Variants in OGG1 observed in about 807,000 individuals in gnomAD.
OGG1 encodes the protein N-glycosylase/DNA lyase.
In OGG1, 35 loss-of-function variants were observed where a neutral mutation model predicts 42.3. That is an observed-to-expected ratio of 0.83 (90% confidence interval 0.63 to 1.10). The LOEUF (loss-of-function observed/expected upper bound fraction) is 1.10, where lower values mean the gene tolerates loss of function less well. Ranked by LOEUF, OGG1 falls within the 50% of genes least tolerant of loss-of-function variation. The pLI is 0.00. For missense variants in OGG1, 484 were observed against 446.7 expected, an observed-to-expected ratio of 1.08 and a Z score of -0.75; for synonymous variants, 189 against 179.0, an observed-to-expected ratio of 1.06 and a Z score of -0.44.
At chr3:9,765,201 G>A (rs1005506451) in intron 7 of OGG1, among the ~76,000 whole-genome samples, 11 of 151,260 alleles carry the variant, frequency 7.3e-5, no homozygotes, top group Admixed American at 5.3e-4. Flanking sequence ...CACTCCAGCC[G>A]GGGCAACAGA....
At chr3:9,789,685 C>T, downstream of OGG1, 1 of 1,609,058 alleles carries the variant, frequency 6.2e-7, no homozygotes, top group Non-Finnish European at 8.5e-7. Flanking sequence ...AACCTTGAGG[C>T]CCCCTTCTAT....
At chr3:9,762,588 G>A (rs1044101560) in intron 7 of OGG1, among the ~76,000 whole-genome samples, 13 of 152,008 alleles carry the variant, frequency 8.6e-5, no homozygotes, top group Admixed American at 4.6e-4. Flanking sequence ...AGCTGGTCTC[G>A]AACTGACCTC....
Position 9,763,110 on chromosome 3 carries a change from G to T in OGG1, c.1049-2699G>T, listed in dbSNP as rs746451289. The stretch of plus-strand genomic sequence containing the variant: ...GGGTTGGGACAGCTGGGAGAGGTGT[G>T]GGGGCAGGGCAGAGGTTGGGCCACT... On this transcript the variant is annotated intron_variant, in intron 7 of 7. Coordinates refer to the OGG1 transcript ENST00000302008. The T allele has an allele frequency of 4.1e-5, 66 of 1,614,136 alleles. No homozygotes were observed. In the African/African-American group the frequency reaches 4.3e-4, roughly 10 times the overall value.
intron 3 of OGG1, chr3:9,784,061 G>A (rs1467768679): frequency 6.2e-7 from 1 of 1,614,102 alleles, no homozygotes; most frequent in Non-Finnish European, 8.5e-7. Context: ...GCGGTTGTGG[G>A]CACTAAGTGC....
chr3:9,757,833 G>T (rs1473298800), downstream of OGG1: 4 of 1,606,210 alleles, frequency 2.5e-6, no homozygotes, highest in African/African-American at 5.3e-5. The surrounding 1 kb of genome is among the most constrained non-coding windows in gnomAD (Gnocchi z 4.5). Context: ...CACAGCCGTG[G>T]CATTGAAGGC....
At chr3:9,755,131 A>T (rs1296372879) in intron 4 of OGG1, among the ~76,000 whole-genome samples, 1 of 152,240 alleles carries the variant, frequency 6.6e-6, no homozygotes, top group Non-Finnish European at 1.5e-5. Context: ...GCTGCTATAT[A>T]TATGCAGCAA....
At chr3:9,785,275 G>A (rs1559717800) in intron 3 of OGG1, 1 of 1,508,934 alleles carries the variant, frequency 6.6e-7, no homozygotes, top group Non-Finnish European at 9.2e-7. Flanking sequence ...GCCAACAGAA[G>A]CGGGGGCCAG....
chr3:9,781,833 CTTTTTTT>C lies in OGG1; in HGVS notation c.382+252_382+258del, dbSNP rs35246642. On this transcript the variant is annotated intron_variant, in intron 3 of 3. Coordinates refer to the OGG1 transcript ENST00000426518. ...GCCATTTCTTCATTGCCCATTACTT[CTTTTTTT>C]TTTTTTTTTTTTTTTTTTGAGACAG... 1.4e-3 allele frequency among the ~76,000 whole-genome samples: 124 copies of C among 86,890 alleles called. 1 individual carries two copies. The highest frequency in any genetic ancestry group is 1.1e-3 in the East Asian group (3 of 2,620). 57.0% of individuals were successfully genotyped at this position (86,890 alleles called of 152,430 possible).
rs73113563 is a variant in OGG1 at position 9,787,651 on chromosome 3, C to T, written c.383-77C>T. 1,274 of 1,384,754 alleles carry T rather than the reference C, an allele frequency of 9.2e-4. 8 individuals are homozygous for T. In the African/African-American group the frequency reaches 0.016, roughly 17 times the overall value. The allele number at this position is 1,384,754 out of a possible 1,614,324, so 85.8% of individuals were successfully genotyped here. Reference sequence around the variant, plus strand: ...AATTGCCTCTCGAGAGAATTAGGAGCCTTCAGGTCACGGGTGACAGGGAAT... The same window carrying T: ...AATTGCCTCTCGAGAGAATTAGGAGTCTTCAGGTCACGGGTGACAGGGAAT... On this transcript the variant is annotated intron_variant, in intron 3 of 3. Transcript: ENST00000426518.
chr3:9,782,613 T>C (rs1459022663), intron 3 of OGG1, among the ~76,000 whole-genome samples: 3 of 152,114 alleles, frequency 2.0e-5, no homozygotes, highest in African/African-American at 7.2e-5. Context: ...CAGCACAATA[T>C]CTAAGAGACA....
chr3:9,783,208 G>T (rs2078520762), intron 3 of OGG1: 1 of 151,938 alleles, frequency 6.6e-6, no homozygotes, highest in Non-Finnish European at 1.5e-5. Flanking sequence ...ACAAAACTTT[G>T]GGGATAAAAA....
At chr3:9,759,256 G>T, downstream of OGG1, 1 of 1,614,128 alleles carries the variant, frequency 6.2e-7, no homozygotes, top group Non-Finnish European at 8.5e-7. Context: ...GCCTCCTGAA[G>T]AATTACAGAC....
downstream of OGG1, chr3:9,767,836 A>T (rs1429193291): frequency 6.4e-7 from 1 of 1,568,888 alleles, no homozygotes; most frequent in East Asian, 2.3e-5. Context: ...CTGTCTGGGA[A>T]TTTACTGCAG....
downstream of OGG1, among the ~76,000 whole-genome samples, chr3:9,771,500 T>C (rs1176163154): frequency 1.3e-5 from 2 of 152,192 alleles, no homozygotes; most frequent in African/African-American, 2.4e-5. Flanking sequence ...GATATAATGA[T>C]ATGAAGTGCC....
At chr3:9,776,611 G>A (rs1032981987) in intron 2 of OGG1, among the ~76,000 whole-genome samples, 3 of 151,940 alleles carry the variant, frequency 2.0e-5, no homozygotes, top group Non-Finnish European at 2.9e-5. Flanking sequence ...GGATAGTCTC[G>A]ATCTCCTGAC....
At chr3:9,775,678 C>T (rs536272471) in intron 2 of OGG1, among the ~76,000 whole-genome samples, 17 of 150,362 alleles carry the variant, frequency 1.1e-4, no homozygotes, top group African/African-American at 3.9e-4. Flanking sequence ...CTCACTCTGT[C>T]GCCCAGGCTT....
rs754842986 is a variant in OGG1 at position 9,757,323 on chromosome 3, T to C, written c.*173T>C. The C allele has an allele frequency of 1.2e-6, 2 of 1,614,068 alleles. No individual in the cohort carries two copies. The highest frequency in any genetic ancestry group is 2.7e-5 in the African/African-American group (2 of 75,006). On this transcript the variant is annotated 3_prime_UTR_variant, in exon 7 of 7. Transcript: ENST00000344629. This position sits in a 1 kb window ranked among gnomAD's most constrained non-coding sequence, Gnocchi z 4.5. ...TTGCACAACAAGATGGGGTGGGGGA[T>C]ATTGAGGGAGACAGCGCTAAGGATG...
At chr3:9,787,845 A>C in exon 4 of OGG1, 1 of 583,818 alleles carries the variant, frequency 1.7e-6, no homozygotes, top group South Asian at 1.6e-5. Context: ...GCTTTGGTGG[A>C]GGTAACATGA....
At chr3:9,763,777 G>C (rs889472695) in intron 7 of OGG1, among the ~76,000 whole-genome samples, 1 of 152,152 alleles carries the variant, frequency 6.6e-6, no homozygotes, top group African/African-American at 2.4e-5. Flanking sequence ...CTTGAGGTCA[G>C]GAGTTCGAGA....
Sources: allele counts gnomAD v4.1 joint callset (sites outside exome capture counted in the v4.1 genomes callset), GRCh38; gene constraint gnomAD v4.1.1; non-coding constraint Gnocchi (gnomAD v3.1); transcripts MANE v1.5; gene names NCBI Gene and HGNC (gene_info 2026-07-23, HGNC 2026-07-21).